Variants in SPIDR observed in about 807,000 individuals in gnomAD.
SPIDR encodes DNA repair-scaffolding protein.
In SPIDR, 93 loss-of-function variants were observed where a neutral mutation model predicts 104.6. The ratio of observed to expected loss-of-function variants is 0.89; its 90% CI spans 0.75 to 1.06. SPIDR has a LOEUF of 1.06. Among genes scored for constraint, SPIDR ranks in the 50% least tolerant of loss-of-function variants. The probability of loss-of-function intolerance (pLI) is 0.00; values close to 1 mark genes in which losing one functional copy is unlikely to be tolerated. For missense variants in SPIDR, 1,154 were observed against 1,111.2 expected (o/e 1.04, Z -0.55); for synonymous variants, 431 against 416.9 (o/e 1.03, Z -0.41).
intron 10 of SPIDR, among the ~76,000 whole-genome samples, chr8:47,652,918 CTGTGTTT>C (rs1436711372): frequency 6.6e-6 from 1 of 152,176 alleles, no homozygotes; most frequent in African/African-American, 2.4e-5. Context: ...TGATTCAACA[CTGTGTTT>C]CCTGTTGTGC....
intron 8 of SPIDR, among the ~76,000 whole-genome samples, chr8:47,442,684 G>A (rs1446912965): frequency 6.6e-6 from 1 of 152,172 alleles, no homozygotes; most frequent in Non-Finnish European, 1.5e-5. Context: ...TAGTGTCTAA[G>A]TTCATTTGTG....
intron 9 of SPIDR, among the ~76,000 whole-genome samples, chr8:47,597,865 C>T (rs930956244): frequency 6.6e-6 from 1 of 152,114 alleles, no homozygotes; most frequent in African/African-American, 2.4e-5. Context: ...TTGTGTGGCT[C>T]CCAGTGCACT....
chr8:47,429,863 C>T (rs1283480490), intron 7 of SPIDR, among the ~76,000 whole-genome samples: 2 of 151,008 alleles, frequency 1.3e-5, no homozygotes, highest in Non-Finnish European at 2.9e-5. Flanking sequence ...GATACATGTG[C>T]ACAATGTGCA....
At chr8:47,543,840 G>A (rs2088727690) in intron 8 of SPIDR, among the ~76,000 whole-genome samples, 1 of 152,182 alleles carries the variant, frequency 6.6e-6, no homozygotes, top group Non-Finnish European at 1.5e-5. Flanking sequence ...TGTCAAGCTG[G>A]TGGGCTGTCA....
rs2069337891 is a variant in SPIDR at position 47,441,120 on chromosome 8, AT to A, written c.1097+584del. Among the ~76,000 whole-genome samples, 6 of 152,192 alleles carry A rather than the reference AT, an allele frequency of 3.9e-5. No individual in the cohort carries two copies. The South Asian group carries it at 1.2e-3, about 32-fold the overall frequency. The stretch of plus-strand genomic sequence containing the variant: ...GCCTTGTTTTAAGAGCTAATTATTA[AT>A]TTTTTCGTAATTTTTTATAAGTTTT... On this transcript the variant is annotated intron_variant, in intron 8 of 19. Transcript: ENST00000297423.
At chr8:47,491,878 T>C (rs1340585920) in intron 8 of SPIDR, among the ~76,000 whole-genome samples, 1 of 151,920 alleles carries the variant, frequency 6.6e-6, no homozygotes, top group African/African-American at 2.4e-5. Flanking sequence ...AACCAGCCAA[T>C]ATTGAACCTT....
Position 47,321,553 on chromosome 8 carries a change from C to T in SPIDR, c.525+27523C>T, listed in dbSNP as rs1448709924. ...TTTATAGATTCAGTGCGATCCCCAT[C>T]AAGCTACCAATGACTTTCTGCACAG... is the stretch of plus-strand genomic sequence containing the variant. On this transcript the variant is annotated intron_variant, in intron 5 of 19. Transcript: ENST00000297423. Among the ~76,000 whole-genome samples the T allele has an allele frequency of 2.6e-5, 4 of 152,158 alleles. No homozygotes were observed. The South Asian group carries it at 6.2e-4, about 24-fold the overall frequency.
intron 8 of SPIDR, among the ~76,000 whole-genome samples, chr8:47,496,297 A>G (rs961692744): frequency 6.6e-6 from 1 of 152,172 alleles, no homozygotes; most frequent in Non-Finnish European, 1.5e-5. Flanking sequence ...GTTCAGGGAA[A>G]GCATTCACCA....
chr8:47,319,602 A>C (rs1040437429), intron 5 of SPIDR, among the ~76,000 whole-genome samples: 2 of 152,200 alleles, frequency 1.3e-5, no homozygotes, highest in Non-Finnish European at 2.9e-5. Context: ...GACCTAATAG[A>C]CATCTACAGA....
chr8:47,664,368 C>G (rs945052104), intron 10 of SPIDR, among the ~76,000 whole-genome samples: 1 of 151,992 alleles, frequency 6.6e-6, no homozygotes, highest in African/African-American at 2.4e-5. Flanking sequence ...ATTTAGCCGA[C>G]AAAAGATTTC....
At chr8:47,403,266 CTG>C (rs2062179007) in intron 6 of SPIDR, among the ~76,000 whole-genome samples, 2 of 152,166 alleles carry the variant, frequency 1.3e-5, no homozygotes, top group Admixed American at 1.3e-4. Flanking sequence ...TGAGCAAAAA[CTG>C]GAAGCATTTC....
intron 10 of SPIDR, among the ~76,000 whole-genome samples, chr8:47,654,650 G>T (rs1321585994): frequency 6.6e-6 from 1 of 151,472 alleles, no homozygotes; most frequent in Non-Finnish European, 1.5e-5. Context: ...TCTTGAGAAG[G>T]TTTAGACTCT....
chr8:47,287,426 A>C (rs2039052904), intron 3 of SPIDR, among the ~76,000 whole-genome samples: 1 of 152,186 alleles, frequency 6.6e-6, no homozygotes, highest in Non-Finnish European at 1.5e-5. Context: ...CAAATTCACC[A>C]GGGTGGATTT....
At chr8:47,349,793 G>A (rs1196424968) in intron 5 of SPIDR, among the ~76,000 whole-genome samples, 2 of 152,248 alleles carry the variant, frequency 1.3e-5, no homozygotes, top group African/African-American at 2.4e-5. Context: ...GGGATGTAAT[G>A]TCCTGGTGTG....
intron 1 of SPIDR, among the ~76,000 whole-genome samples, chr8:47,277,643 A>G (rs1442683792): frequency 7.4e-6 from 1 of 135,902 alleles, no homozygotes; most frequent in African/African-American, 2.8e-5. Flanking sequence ...GGTGTGACCC[A>G]TTGTGCCCTA....
intron 10 of SPIDR, among the ~76,000 whole-genome samples, chr8:47,614,933 C>T (rs1428720899): frequency 6.6e-6 from 1 of 152,130 alleles, no homozygotes; most frequent in African/African-American, 2.4e-5. Flanking sequence ...TTTTGATTTG[C>T]ATTTCTGTAA....
chr8:47,444,775 C>T (rs1170526696), intron 8 of SPIDR, among the ~76,000 whole-genome samples: 1 of 152,148 alleles, frequency 6.6e-6, no homozygotes, highest in African/African-American at 2.4e-5. Flanking sequence ...TTGAAGCTGT[C>T]TCAGCTGCTG....
chr8:47,288,926 TGACATACATCTGGTA>T (rs1358799000), intron 3 of SPIDR, among the ~76,000 whole-genome samples: 42 of 152,330 alleles, frequency 2.8e-4, no homozygotes, highest in African/African-American at 8.7e-4. Context: ...CATTATTCCA[TGACATACATCTGGTA>T]TATTGTTAGT....
chr8:47,708,027 CGGT>C (rs1433153603), intron 14 of SPIDR, among the ~76,000 whole-genome samples: 1 of 152,214 alleles, frequency 6.6e-6, no homozygotes, highest in Non-Finnish European at 1.5e-5. Flanking sequence ...GGGCCGGACA[CGGT>C]GGCTTACGCC....
Sources: allele counts gnomAD v4.1 joint callset (sites outside exome capture counted in the v4.1 genomes callset), GRCh38; gene constraint gnomAD v4.1.1; transcripts MANE v1.5; gene names NCBI Gene and HGNC (gene_info 2026-07-23, HGNC 2026-07-21).